Variants in NREP observed in about 807,000 individuals in gnomAD.
NREP encodes neuronal regeneration-related protein.
NREP carries 5 observed loss-of-function variants against 8.6 expected under a neutral mutation model. The ratio of observed to expected loss-of-function variants is 0.58; its 90% CI spans 0.30 to 1.22. The LOEUF (loss-of-function observed/expected upper bound fraction) is 1.22, where lower values mean the gene tolerates loss of function less well. Among genes scored for constraint, NREP ranks in the 50% most tolerant of loss-of-function variants. The probability of loss-of-function intolerance (pLI) is 0.07; values close to 1 mark genes in which losing one functional copy is unlikely to be tolerated. For synonymous variants in NREP, 27 were observed against 28.0 expected, an observed-to-expected ratio of 0.96 and a Z score of 0.11; for missense variants, 86 against 82.5, an observed-to-expected ratio of 1.04 and a Z score of -0.17.
At chr5:111,755,856 G>T (rs921640591) in intron 1 of NREP, 26 bp from the exon 2 acceptor site, 2 of 1,612,406 alleles carry the variant, frequency 1.2e-6, no homozygotes, top group Admixed American at 3.3e-5. Context: ...AAATACAGTA[G>T]ACACATCGCC....
At chr5:111,885,844 C>T (rs1294969326) in intron 2 of NREP, among the ~76,000 whole-genome samples, 1 of 152,142 alleles carries the variant, frequency 6.6e-6, no homozygotes, top group Non-Finnish European at 1.5e-5. Context: ...AAGACTTAAA[C>T]TTTAGACCTA....
At chr5:111,914,080 T>C (rs553225123) in intron 2 of NREP, among the ~76,000 whole-genome samples, 6 of 152,110 alleles carry the variant, frequency 3.9e-5, no homozygotes, top group Non-Finnish European at 7.3e-5. Context: ...GAGGCAAAAG[T>C]TGGCACCAAG....
chr5:111,800,335 G>C (rs1057512430), intron 2 of NREP, among the ~76,000 whole-genome samples: 1 of 152,344 alleles, frequency 6.6e-6, no homozygotes, highest in Middle Eastern at 3.4e-3. Context: ...AGTACTTGCT[G>C]TACATCGGTG....
intron 2 of NREP, among the ~76,000 whole-genome samples, chr5:111,835,413 A>C (rs962435724): frequency 6.6e-6 from 1 of 152,160 alleles, no homozygotes. Flanking sequence ...AGGAGGCATT[A>C]TCTACCAACA....
intron 2 of NREP, among the ~76,000 whole-genome samples, chr5:111,827,134 C>T (rs1237559983): frequency 1.3e-5 from 2 of 152,102 alleles, no homozygotes; most frequent in African/African-American, 4.8e-5. Flanking sequence ...TTCCCATGTC[C>T]AGTGGGAAAA....
At chr5:111,739,680 T>G (rs1749479592) in intron 2 of NREP, 1 of 152,150 alleles carries the variant, frequency 6.6e-6, no homozygotes, top group African/African-American at 2.4e-5. Flanking sequence ...TTCAAGTTTG[T>G]GTTTTTCATG....
intron 2 of NREP, among the ~76,000 whole-genome samples, chr5:111,925,852 G>A (rs957132173): frequency 6.6e-6 from 1 of 152,102 alleles, no homozygotes; most frequent in Non-Finnish European, 1.5e-5. Context: ...GGGTTTTCAG[G>A]GGGTATTGCT....
intron 2 of NREP, among the ~76,000 whole-genome samples, chr5:111,809,947 A>G (rs1752234180): frequency 6.6e-6 from 1 of 151,314 alleles, no homozygotes; most frequent in Admixed American, 6.6e-5. Context: ...ATAACAGCAA[A>G]TCTCTAGACT....
At chr5:111,771,305 A>ACAGATCTGAGAT (rs1751220999) in intron 2 of NREP, among the ~76,000 whole-genome samples, 1 of 152,044 alleles carries the variant, frequency 6.6e-6, no homozygotes, top group African/African-American at 2.4e-5. Flanking sequence ...GCATTCGTTA[A>ACAGATCTGAGAT]CTCATTTTAA....
At chr5:111,971,429 A>G (rs1453535696) in intron 2 of NREP, among the ~76,000 whole-genome samples, 1 of 152,194 alleles carries the variant, frequency 6.6e-6, no homozygotes, top group Non-Finnish European at 1.5e-5. Context: ...CAAATAAAAA[A>G]AACACCATGA....
chr5:111,794,121 T>C (rs1222879466), intron 2 of NREP, among the ~76,000 whole-genome samples: 3 of 152,196 alleles, frequency 2.0e-5, no homozygotes, highest in African/African-American at 7.2e-5. Context: ...AACAATGAGA[T>C]ACAACTAAAC....
At chr5:111,835,933 A>T (rs1015166605) in intron 2 of NREP, among the ~76,000 whole-genome samples, 5 of 152,112 alleles carry the variant, frequency 3.3e-5, no homozygotes, top group African/African-American at 1.2e-4. Flanking sequence ...CAAAAAGAAA[A>T]TGGATGCAGA....
At chr5:111,922,622 C>A (rs1273503501) in intron 2 of NREP, among the ~76,000 whole-genome samples, 1 of 152,150 alleles carries the variant, frequency 6.6e-6, no homozygotes, top group Non-Finnish European at 1.5e-5. Context: ...CATTAACAAC[C>A]TGCTTGACTG....
intron 2 of NREP, among the ~76,000 whole-genome samples, chr5:111,859,579 C>T (rs963968114): frequency 6.6e-6 from 1 of 152,056 alleles, no homozygotes; most frequent in Admixed American, 6.6e-5. Context: ...CTTAAAATGG[C>T]AATGCTAATG....
chr5:111,871,757 T>C (rs555509173), intron 2 of NREP, among the ~76,000 whole-genome samples: 61 of 151,400 alleles, frequency 4.0e-4, no homozygotes, highest in Non-Finnish European at 1.2e-4. Flanking sequence ...TGTCACTAGG[T>C]GATACGAGTT....
At chr5:111,863,590 A>C (rs1305536075) in intron 2 of NREP, among the ~76,000 whole-genome samples, 1 of 152,150 alleles carries the variant, frequency 6.6e-6, no homozygotes, top group Admixed American at 6.6e-5. Flanking sequence ...GGGCAGGATA[A>C]TAAAACAATA....
intron 2 of NREP, among the ~76,000 whole-genome samples, chr5:111,967,326 C>G (rs572520125): frequency 6.6e-6 from 1 of 152,148 alleles, no homozygotes; most frequent in African/African-American, 2.4e-5. Flanking sequence ...TCGCCATAAT[C>G]AAAATGTAAA....
chr5:111,866,823 T>G (rs1276182145), intron 2 of NREP, among the ~76,000 whole-genome samples: 2 of 151,716 alleles, frequency 1.3e-5, no homozygotes, highest in African/African-American at 2.4e-5. Context: ...CCATAAAAAA[T>G]GATGAGTTCA....
intron 2 of NREP, among the ~76,000 whole-genome samples, chr5:111,925,104 C>T (rs374122474): frequency 6.6e-6 from 1 of 152,030 alleles, no homozygotes; most frequent in Admixed American, 6.5e-5. Flanking sequence ...ACAGAGAGAC[C>T]AGCTCCAGTG....
Sources: allele counts gnomAD v4.1 joint callset (sites outside exome capture counted in the v4.1 genomes callset), GRCh38; gene constraint gnomAD v4.1.1; transcripts MANE v1.5; gene names NCBI Gene and HGNC (gene_info 2026-07-23, HGNC 2026-07-21).